The following FNBP1 variants were observed in gnomAD, a reference collection of about 807,000 sequenced individuals.
FNBP1 encodes formin-binding protein 1.
A neutral mutation model predicts 90.6 loss-of-function variants in FNBP1; 26 were observed. The ratio of observed to expected loss-of-function variants is 0.29; its 90% confidence interval spans 0.21 to 0.40. FNBP1 has a LOEUF of 0.40. Among genes scored for constraint, FNBP1 ranks in the 10% least tolerant of loss-of-function variants. FNBP1 has a pLI of 1.00. For synonymous variants in FNBP1, 260 were observed against 265.2 expected, an observed-to-expected ratio of 0.98 and a Z score of 0.19; for missense variants, 635 against 768.0, an observed-to-expected ratio of 0.83 and a Z score of 2.05.
At chr9:129,954,551 A>G (rs2046632336) in intron 6 of FNBP1, among the ~76,000 whole-genome samples, 1 of 152,170 alleles carries the variant, frequency 6.6e-6, no homozygotes. Context: ...ATTTGGCTCA[A>G]TGTAAAAAAA....
chr9:129,929,463 A>T, intron 7 of FNBP1, 104 bp downstream of exon 7: 2 of 1,008,864 alleles, frequency 2.0e-6, no homozygotes, highest in Non-Finnish European at 2.9e-6. Flanking sequence ...TTATATAAAG[A>T]CTCAGACTCA....
chr9:129,989,694 C>A (rs1439961847), intron 2 of FNBP1, among the ~76,000 whole-genome samples: 1 of 152,104 alleles, frequency 6.6e-6, no homozygotes, highest in African/African-American at 2.4e-5. Flanking sequence ...GAAATAAGTT[C>A]AAGAGATCTA....
chr9:130,000,516 G>GA (rs1215034593), intron 1 of FNBP1, among the ~76,000 whole-genome samples: 2 of 151,680 alleles, frequency 1.3e-5, no homozygotes, highest in Non-Finnish European at 2.9e-5. Flanking sequence ...AAAGAAAAAA[G>GA]AAAAAAAGAA....
At chr9:129,895,732 G>A (rs2035600851) in intron 16 of FNBP1, 106 bp downstream of exon 16, 2 of 1,400,470 alleles carry the variant, frequency 1.4e-6, no homozygotes, top group Non-Finnish European at 1.8e-6. Flanking sequence ...GTGCTTGCCA[G>A]CCAGTCTCTT....
In FNBP1 at chr9:130,043,188, G is replaced by T. The variant is rs902970811; in HGVS notation, c.-213C>A. ...AAAATGGCCCGAGGAAGCAGCAGCC[G>T]CGGCCGCCGCAGCGCCCGCCCGCCC... On this transcript the variant is annotated 5_prime_UTR_variant, in exon 1 of 17. Coordinates refer to ENST00000446176, the MANE Select transcript of FNBP1 (RefSeq NM_015033.3). 9 of 373,998 alleles carry T rather than the reference G, an allele frequency of 2.4e-5. No individual in the cohort carries two copies. Among genetic ancestry groups the T allele is most frequent in the East Asian group, 1.6e-4 (4 of 25,778 alleles). 23.2% of individuals were successfully genotyped at this position (373,998 alleles called of 1,614,324 possible).
intron 2 of FNBP1, among the ~76,000 whole-genome samples, chr9:129,984,814 G>A (rs10739769): frequency 0.87 from 132,310 of 152,092 alleles, 57,685 homozygotes; most frequent in South Asian, 0.9. Context: ...AGGGGTTTCC[G>A]ATTTTGCTTC....
rs993834977 is a variant in FNBP1 at position 129,958,538 on chromosome 9, G to A, written c.361C>T (p.Arg121Cys). The change falls in exon 5 of 17, where the codon CGT (arginine) becomes TGT (cysteine). Residue 121 changes from arginine (R) to cysteine (C), a missense_variant. By Grantham distance (180) the Arg-to-Cys change is radical. Transcript: ENST00000446176. ...QERKSNFHDG[R>C]KAQQHIETCW... ...GTCTCGATGTGCTGCTGTGCTTTAC[G>A]GCCATCGTGAAAGTTCTGCAAAGGG... 9 of 1,595,864 alleles carry A rather than the reference G, an allele frequency of 5.6e-6. No individual in the cohort carries two copies. Among genetic ancestry groups the A allele is most frequent in the African/African-American group, 1.3e-5 (1 of 74,648 alleles).
intron 2 of FNBP1, among the ~76,000 whole-genome samples, chr9:129,981,754 G>C (rs2051301141): frequency 6.6e-6 from 1 of 152,156 alleles, no homozygotes; most frequent in South Asian, 2.1e-4. Flanking sequence ...TACGTCAGCA[G>C]GGGTTGGACG....
At chr9:130,002,543 C>T (rs991089512) in intron 1 of FNBP1, among the ~76,000 whole-genome samples, 2 of 152,210 alleles carry the variant, frequency 1.3e-5, no homozygotes, top group Non-Finnish European at 2.9e-5. Context: ...TCTCTGGCCA[C>T]GTGACCTCTG....
intron 11 of FNBP1, among the ~76,000 whole-genome samples, chr9:129,911,322 C>T (rs1179254244): frequency 6.6e-6 from 1 of 152,174 alleles, no homozygotes; most frequent in Non-Finnish European, 1.5e-5. Context: ...GATCGTGCCC[C>T]ATACCCTGAA....
intron 1 of FNBP1, among the ~76,000 whole-genome samples, chr9:130,021,163 C>G (rs1487244540): frequency 6.6e-6 from 1 of 152,146 alleles, no homozygotes; most frequent in Non-Finnish European, 1.5e-5. Context: ...AGAGCAGTAT[C>G]TAGAAATCTC....
At position 129,984,583 on chromosome 9, in the gene FNBP1, G is replaced by A. The variant is rs74852541; in HGVS notation, c.141-5209C>T. 5.0e-3 allele frequency among the ~76,000 whole-genome samples: 767 copies of A among 152,308 alleles called. 9 individuals are homozygous for A. Among genetic ancestry groups the A allele is most frequent in the African/African-American group, 0.017 (726 of 41,574 alleles). ...GGTCCACTTTCCAGACCTCCAGGCT[G>A]AGTGCCCTGGGGGTTCGCCCCAAAC... On this transcript the variant is annotated intron_variant, in intron 2 of 16. Coordinates refer to ENST00000446176, the MANE Select transcript of FNBP1 (RefSeq NM_015033.3).
At chr9:129,895,325 T>C (rs1181689008) in intron 16 of FNBP1, 2 of 1,059,940 alleles carry the variant, frequency 1.9e-6, no homozygotes, top group Non-Finnish European at 2.3e-6. Flanking sequence ...ATTTCACTTG[T>C]GACTTCCTCC....
intron 1 of FNBP1, among the ~76,000 whole-genome samples, chr9:130,001,098 C>T (rs896090562): frequency 2.6e-5 from 4 of 151,654 alleles, no homozygotes; most frequent in Non-Finnish European, 2.9e-5. Flanking sequence ...TTTGGGAGGC[C>T]GAGGCAGGCG....
chr9:129,944,299 T>C (rs565145142), intron 6 of FNBP1, among the ~76,000 whole-genome samples: 3 of 151,924 alleles, frequency 2.0e-5, no homozygotes, highest in Admixed American at 2.0e-4. Flanking sequence ...TCCCAGCACT[T>C]TGGGAGGCTG....
chr9:129,955,658 T>C (rs898390976), intron 6 of FNBP1, among the ~76,000 whole-genome samples: 2 of 151,594 alleles, frequency 1.3e-5, no homozygotes, highest in Admixed American at 6.6e-5. Context: ...AAGACAGAGG[T>C]TGTTGTTAGC....
At chr9:129,945,709 G>A (rs1034749307) in intron 6 of FNBP1, among the ~76,000 whole-genome samples, 1 of 152,168 alleles carries the variant, frequency 6.6e-6, no homozygotes, top group Non-Finnish European at 1.5e-5. Context: ...GATTCCAACC[G>A]AAGAAAACCT....
chr9:129,905,376 A>G (rs2037821584), intron 12 of FNBP1, among the ~76,000 whole-genome samples: 1 of 150,540 alleles, frequency 6.6e-6, no homozygotes, highest in Admixed American at 6.7e-5. Context: ...CAGTGGTATG[A>G]TCTTGGCTCA....
At chr9:129,918,633 T>A (rs1014662392) in intron 10 of FNBP1, among the ~76,000 whole-genome samples, 1 of 152,218 alleles carries the variant, frequency 6.6e-6, no homozygotes, top group Non-Finnish European at 1.5e-5. Context: ...TCACGCTTCC[T>A]TGATTTGTTT....
Sources: allele counts gnomAD v4.1 joint callset (sites outside exome capture counted in the v4.1 genomes callset), GRCh38; gene constraint gnomAD v4.1.1; transcripts MANE v1.5; gene names NCBI Gene and HGNC (gene_info 2026-07-23, HGNC 2026-07-21).